Variants in TUBGCP6 observed in about 807,000 individuals in gnomAD.
TUBGCP6 encodes gamma-tubulin complex component 6.
TUBGCP6 carries 161 observed loss-of-function variants against 175.8 expected under a neutral mutation model. That is an observed-to-expected ratio of 0.92 (90% confidence interval 0.81 to 1.04). The LOEUF is 1.04. Ranked by LOEUF, TUBGCP6 falls within the 50% of genes least tolerant of loss-of-function variation. The pLI is 0.00. For missense variants in TUBGCP6, 2,572 were observed against 2,433.0 expected (o/e 1.06, Z -1.20); for synonymous variants, 1,173 against 1,030.5 (o/e 1.14, Z -2.65).
intron 10 of TUBGCP6, among the ~76,000 whole-genome samples, chr22:50,225,462 G>A (rs1425511197): frequency 6.6e-6 from 1 of 152,138 alleles, no homozygotes; most frequent in Non-Finnish European, 1.5e-5. Context: ...GGCCCGGGGA[G>A]GCCCCAACGG....
chr22:50,242,986 G>T (rs548775892), intron 1 of TUBGCP6, among the ~76,000 whole-genome samples: 56 of 152,326 alleles, frequency 3.7e-4, no homozygotes, highest in African/African-American at 1.3e-3. Context: ...GGACAATGCA[G>T]CCACCAGACT....
intron 13 of TUBGCP6, chr22:50,222,952 A>G (rs991464170): frequency 4.6e-6 from 1 of 215,772 alleles, no homozygotes; most frequent in African/African-American, 2.3e-5. Context: ...ACAGGTACAA[A>G]CCTGAGAACT....
rs757879402 is a variant in TUBGCP6, at chr22:50,226,261, C to T, written c.1693+26G>A. 8 of 1,613,918 alleles carry T rather than the reference C, an allele frequency of 5.0e-6. No individual in the cohort carries two copies. The East Asian group carries it at 1.8e-4, about 36-fold the overall frequency. ...AACCCAGGCCCACAGGCACGGACCC[C>T]TGCCCCGCAATCAGCTGCCACCTAC... On this transcript the variant is annotated intron_variant, in intron 8 of 24. Transcript: ENST00000248846.
chr22:50,225,869 A>G lies in TUBGCP6; in HGVS notation c.1908T>C (p.Ile636=), dbSNP rs775989849. The G allele has an allele frequency of 1.9e-6, 3 of 1,613,644 alleles. No individual in the cohort carries two copies. The highest frequency in any genetic ancestry group is 2.5e-6 in the Non-Finnish European group (3 of 1,179,970). Residue 636 remains isoleucine, a synonymous_variant, in exon 10 of 25, where the codon ATT becomes ATC. Coordinates refer to ENST00000248846, the MANE Select transcript of TUBGCP6 (RefSeq NM_020461.4). ...CAACGTAGACGGCACAGTCCTTCTC[A>G]ATCTCCTTCAACTCCTCAAGGGAGA... The part of the protein sequence containing the change: ...VIFSLEELKE[I]EKDCAVYVGR...
At chr22:50,219,014 CTT>C (rs2064467464) in intron 20 of TUBGCP6, 52 bp downstream of exon 20, 14 of 1,604,612 alleles carry the variant, frequency 8.7e-6, no homozygotes, top group African/African-American at 1.3e-5. Context: ...GCCAGTCTCT[CTT>C]TTCCCACGGC....
At chr22:50,232,836 C>T (rs1299689060) in intron 3 of TUBGCP6, among the ~76,000 whole-genome samples, 1 of 152,232 alleles carries the variant, frequency 6.6e-6, no homozygotes, top group East Asian at 1.9e-4. Flanking sequence ...TGAATATATC[C>T]ATTCACTTCT....
rs146637907 is a variant in TUBGCP6, at chr22:50,218,344, G to A, written c.5013C>T (p.His1671=). 8.7e-5 allele frequency: 141 copies of A among 1,613,094 alleles called. 1 individual carries two copies. The African/African-American group carries it at 1.5e-3, about 17-fold the overall frequency. The change falls in exon 23 of 25, where the codon CAC becomes CAT. Residue 1671 remains histidine, a synonymous_variant. Coordinates refer to ENST00000248846, the MANE Select transcript of TUBGCP6 (RefSeq NM_020461.4). ...VQFRQLQLFK[H]EMQHFVKVIQ... ...TGACCTTCACGAAATGCTGCATCTCGTGCTTGAACAGCTGCAGCTGACGGA... is the reference window on the plus strand; with the variant it reads ...TGACCTTCACGAAATGCTGCATCTCATGCTTGAACAGCTGCAGCTGACGGA...
intron 1 of TUBGCP6, among the ~76,000 whole-genome samples, chr22:50,243,495 G>GT (rs2064868194): frequency 6.7e-6 from 1 of 148,974 alleles, no homozygotes; most frequent in African/African-American, 2.5e-5. Context: ...GCAGGTGCCT[G>GT]TAATTTCAGC....
In TUBGCP6 at chr22:50,224,602, A is replaced by C. The variant is rs2064578671; in HGVS notation, c.1984-10T>G. Reference sequence around the variant, plus strand: ...TTTCCATACGTAATTCCTGAGAAAGACAACTGGTAATCAAAGCATCCTGGC... The same window carrying C: ...TTTCCATACGTAATTCCTGAGAAAGCCAACTGGTAATCAAAGCATCCTGGC... On this transcript the variant is annotated splice_polypyrimidine_tract_variant and intron_variant, in intron 10 of 24. Coordinates refer to ENST00000248846, the MANE Select transcript of TUBGCP6 (RefSeq NM_020461.4). The C allele has an allele frequency of 1.5e-5, 24 of 1,613,350 alleles. No individual in the cohort carries two copies. Among genetic ancestry groups the C allele is most frequent in the Non-Finnish European group, 1.9e-5 (23 of 1,179,910 alleles).
intron 4 of TUBGCP6, among the ~76,000 whole-genome samples, chr22:50,228,616 CTTCTCA>C (rs925627343): frequency 1.3e-5 from 2 of 152,102 alleles, no homozygotes; most frequent in African/African-American, 4.8e-5. Context: ...CAGTCCAGCC[CTTCTCA>C]GCGTCCCCTG....
At chr22:50,240,023 T>C (rs1460015753) in intron 2 of TUBGCP6, 181 bp downstream of exon 2, 1 of 815,150 alleles carries the variant, frequency 1.2e-6, no homozygotes, top group Non-Finnish European at 1.9e-6. Flanking sequence ...CTGTTAGTGC[T>C]TTCCCCTCTG....
Position 50,219,977 on chromosome 22 carries a change from T to G in TUBGCP6, c.4147A>C (p.Asn1383His). 6.2e-7 allele frequency: 1 copy of G among 1,614,014 alleles called. No homozygotes were observed. Among genetic ancestry groups the G allele is most frequent in the Non-Finnish European group, 8.5e-7 (1 of 1,179,968 alleles). The change falls in exon 17 of 25, where the codon AAT (asparagine) becomes CAT (histidine). Residue 1383 changes from asparagine (N) to histidine (H), a missense_variant. Transcript: ENST00000248846. ...CTAACCTGTGAGTTGAGAGGCCAAT[T>G]TGGAGAGAGGTCCTCAGTGTCCCCG... ...RSGDTEDLSP[N>H]WPLNSQEDTA...
In TUBGCP6 at chr22:50,217,839, C is replaced by A; in HGVS notation, c.5369-12G>T. 2 of 1,613,188 alleles carry A rather than the reference C, an allele frequency of 1.2e-6. No individual in the cohort carries two copies. Among genetic ancestry groups the A allele is most frequent in the Non-Finnish European group, 8.5e-7 (1 of 1,179,658 alleles). ...CAGCTTGGTCACCACTGGGGACCAG[C>A]GAGCAGCTCAGGCTTTTGCCCACAG... is the stretch of plus-strand genomic sequence containing the variant. On this transcript the variant is annotated splice_polypyrimidine_tract_variant and intron_variant, in intron 24 of 24. Transcript: ENST00000248846.
chr22:50,240,144 C>A, intron 2 of TUBGCP6, 60 bp downstream of exon 2: 2 of 1,605,958 alleles, frequency 1.2e-6, no homozygotes, highest in Admixed American at 3.4e-5. Context: ...ACACCCCATC[C>A]AAGGCCACGC....
chr22:50,221,481 C>T lies in TUBGCP6; in HGVS notation c.2878G>A (p.Ala960Thr). 1.9e-6 allele frequency: 3 copies of T among 1,589,812 alleles called. No individual in the cohort carries two copies. Among genetic ancestry groups the T allele is most frequent in the Middle Eastern group, 1.8e-4 (1 of 5,604 alleles). The change falls in exon 16 of 25, where the codon GCT becomes ACT. Residue 960 changes from alanine to threonine, a missense_variant. Physicochemically the swap from Ala to Thr is moderately conservative, Grantham distance 58. Coordinates refer to ENST00000248846, the MANE Select transcript of TUBGCP6 (RefSeq NM_020461.4). ...EYDFSTVLRP[A>T]VATSPAPGPL... ...CCTGGTGCAGGTGAGGTGGCCACAG[C>T]TGGCCTCAGGACAGTACTAAAGTCG...
At chr22:50,229,599 TGGTCACAGAGGCCA>T (rs774918334) in intron 3 of TUBGCP6, 22 bp from the exon 4 acceptor site, 4 of 1,567,004 alleles carry the variant, frequency 2.6e-6, no homozygotes, top group Non-Finnish European at 3.5e-6. Context: ...CAGAGGACAC[TGGTCACAGAGGCCA>T]GGCACCCAGA....
chr22:50,229,739 G>A (rs2064665396), intron 3 of TUBGCP6, among the ~76,000 whole-genome samples, 162 bp from the exon 4 acceptor site: 1 of 151,988 alleles, frequency 6.6e-6, no homozygotes, highest in African/African-American at 2.4e-5. Context: ...CCACACCGAG[G>A]GACCAAACCG....
In TUBGCP6 at chr22:50,224,181, T is replaced by C; in HGVS notation, c.2230A>G (p.Arg744Gly). Residue 744 changes from arginine (R) to glycine (G), a missense_variant, in exon 13 of 25, where the codon AGG becomes GGG. Transcript: ENST00000248846. ...YARELRDRER[R>G]LKSLEEELER... ...AGCTCCTCCTCCAGGGACTTCAGCC[T>C]TCTCTCCCTGTCTCGGAGTTCACGG... 6.2e-7 allele frequency: 1 copy of C among 1,614,098 alleles called. No homozygotes were observed. Among genetic ancestry groups the C allele is most frequent in the Non-Finnish European group, 8.5e-7 (1 of 1,180,010 alleles).
In TUBGCP6 at chr22:50,220,234, A is replaced by T. The variant is rs747087150; in HGVS notation, c.4108+17T>A. ...TCCCACAGTCCCACTCCTGACCACC[A>T]GCCACCCTACTCTGACCTAGTTCTT... On this transcript the variant is annotated intron_variant, in intron 16 of 24. Coordinates refer to ENST00000248846, the MANE Select transcript of TUBGCP6 (RefSeq NM_020461.4). 47 of 1,543,918 alleles carry T rather than the reference A, an allele frequency of 3.0e-5. No homozygotes were observed. The highest frequency in any genetic ancestry group is 4.0e-5 in the Non-Finnish European group (46 of 1,141,304).
Sources: gnomAD v4.1 joint callset for allele counts (sites outside exome capture counted in the v4.1 genomes callset) on GRCh38, gnomAD v4.1.1 for gene constraint, MANE v1.5 for transcripts, NCBI Gene and HGNC (gene_info 2026-07-23, HGNC 2026-07-21) for gene names.